The following MYO3B variants were observed in gnomAD, a reference collection of about 807,000 sequenced individuals.
The protein encoded by MYO3B is myosin-IIIb.
Under a neutral mutation model 174.6 loss-of-function variants are expected in MYO3B, and 156 were observed. The ratio of observed to expected loss-of-function variants is 0.89; its 90% CI spans 0.78 to 1.02. MYO3B has a LOEUF of 1.02. MYO3B is among the 50% of genes least tolerant of loss of function. MYO3B has a pLI of 0.00. For missense variants in MYO3B, 1,632 were observed against 1,639.4 expected, an observed-to-expected ratio of 1.00 and a Z score of 0.08; for synonymous variants, 563 against 569.1, an observed-to-expected ratio of 0.99 and a Z score of 0.15.
chr2:170,314,067 CT>C (rs1271033072), intron 7 of MYO3B, among the ~76,000 whole-genome samples: 1 of 152,196 alleles, frequency 6.6e-6, no homozygotes, highest in Non-Finnish European at 1.5e-5. Flanking sequence ...TACAGCCCCC[CT>C]GCCAATGCCA....
chr2:170,375,748 G>A (rs560908189), intron 9 of MYO3B, among the ~76,000 whole-genome samples: 1 of 127,514 alleles, frequency 7.8e-6, no homozygotes, highest in East Asian at 2.4e-4. Context: ...CACACACAGA[G>A]CACCCCATAT....
At chr2:170,351,626 C>T (rs78028566) in intron 8 of MYO3B, among the ~76,000 whole-genome samples, 47,261 of 151,626 alleles carry the variant, frequency 0.31, 8,149 homozygotes, top group East Asian at 0.53. Context: ...GGAGGGTGGG[C>T]AAAGGGGAAG....
intron 7 of MYO3B, among the ~76,000 whole-genome samples, chr2:170,286,629 A>G (rs2093558256): frequency 6.6e-6 from 1 of 152,122 alleles, no homozygotes; most frequent in Non-Finnish European, 1.5e-5. Flanking sequence ...CTGGAATTGC[A>G]TAGAGTAATT....
At chr2:170,635,267 G>GAA in intron 32 of MYO3B, among the ~76,000 whole-genome samples, 1 of 152,302 alleles carries the variant, frequency 6.6e-6, no homozygotes, top group East Asian at 1.9e-4. Context: ...ATACACCATG[G>GAA]AATACTATGC....
Position 170,479,920 on chromosome 2 carries a change from A to G in MYO3B, c.3014+13209A>G, listed in dbSNP as rs1050369532. 2.0e-5 allele frequency among the ~76,000 whole-genome samples: 3 copies of G among 148,536 alleles called. No homozygotes were observed. The Admixed American group carries it at 2.0e-4, about 10-fold the overall frequency. The stretch of plus-strand genomic sequence containing the variant: ...GTTTAACATATTTTATAGGTTTAAT[A>G]TGTGTGTATATATATTAAACCTATA... On this transcript the variant is annotated intron_variant, in intron 25 of 34. Coordinates refer to ENST00000408978, the MANE Select transcript of MYO3B (RefSeq NM_138995.5).
At chr2:170,190,935 C>T (rs2092533157) in intron 1 of MYO3B, among the ~76,000 whole-genome samples, 1 of 151,888 alleles carries the variant, frequency 6.6e-6, no homozygotes. Context: ...CCCATTGCTA[C>T]CACAGTTAGG....
At position 170,543,908 on chromosome 2, in the gene MYO3B, C is replaced by T; in HGVS notation, c.3653C>T (p.Thr1218Ile). The stretch of plus-strand genomic sequence containing the variant: ...TTTCTGAAGCACTCGGTTTCTGGGA[C>T]TGATTTGCTGTCTTCTCGGATATGC... ...GHANKHSVSG[T>I]DLLSSRICHP... Residue 1218 changes from threonine to isoleucine, a missense_variant, in exon 32 of 35, where the codon ACT becomes ATT. Thr to Ile is a moderately conservative substitution (Grantham distance 89). Coordinates refer to ENST00000408978, the MANE Select transcript of MYO3B (RefSeq NM_138995.5). The T allele has an allele frequency of 6.2e-7, 1 of 1,612,930 alleles. No homozygotes were observed. Among genetic ancestry groups the T allele is most frequent in the Non-Finnish European group, 8.5e-7 (1 of 1,179,150 alleles).
At chr2:170,340,626 T>C (rs2093971414) in intron 8 of MYO3B, 1 of 152,086 alleles carries the variant, frequency 6.6e-6, no homozygotes, top group Non-Finnish European at 1.5e-5. Flanking sequence ...TGATGGACAG[T>C]TGTATAGAAG....
At chr2:170,459,352 C>T (rs1684111377) in intron 23 of MYO3B, among the ~76,000 whole-genome samples, 1 of 152,142 alleles carries the variant, frequency 6.6e-6, no homozygotes, top group South Asian at 2.1e-4. Context: ...GGTTTACAAA[C>T]CTTGAGCTAG....
intron 30 of MYO3B, 43 bp downstream of exon 30, chr2:170,519,583 G>A: frequency 6.9e-7 from 1 of 1,439,930 alleles, no homozygotes; most frequent in Admixed American, 1.7e-5. Flanking sequence ...AAACTCAGGT[G>A]CTCCATTCTA....
intron 23 of MYO3B, among the ~76,000 whole-genome samples, chr2:170,453,492 A>G (rs1354802380): frequency 6.6e-6 from 1 of 151,498 alleles, no homozygotes; most frequent in Non-Finnish European, 1.5e-5. Context: ...CCAACTGACC[A>G]GAAACCTGGC....
At chr2:170,617,803 A>G (rs1217596510) in intron 32 of MYO3B, among the ~76,000 whole-genome samples, 1 of 152,194 alleles carries the variant, frequency 6.6e-6, no homozygotes, top group East Asian at 1.9e-4. Flanking sequence ...TAGTAATATG[A>G]CCTTTAGGAG....
chr2:170,551,511 C>G (rs1412263586), intron 32 of MYO3B, among the ~76,000 whole-genome samples: 1 of 120,142 alleles, frequency 8.3e-6, no homozygotes. Flanking sequence ...TATGTCATTG[C>G]CATAATGTTT....
intron 25 of MYO3B, among the ~76,000 whole-genome samples, chr2:170,467,875 T>C (rs1371252986): frequency 6.9e-6 from 1 of 145,148 alleles, no homozygotes; most frequent in African/African-American, 2.5e-5. Flanking sequence ...AAGAAGGAAA[T>C]GGCTTTTTTT....
intron 7 of MYO3B, among the ~76,000 whole-genome samples, chr2:170,274,162 ATGAG>A (rs2093445949): frequency 1.3e-5 from 2 of 151,006 alleles, no homozygotes; most frequent in South Asian, 4.2e-4. Context: ...GGGAGAGAGA[ATGAG>A]AGAGAGAGAG....
At chr2:170,288,490 A>G (rs901878370) in intron 7 of MYO3B, among the ~76,000 whole-genome samples, 3 of 151,964 alleles carry the variant, frequency 2.0e-5, no homozygotes, top group South Asian at 2.1e-4. Context: ...TGCAGCTATT[A>G]TAAATGGGAT....
At chr2:170,482,172 T>C (rs1685733941) in intron 25 of MYO3B, among the ~76,000 whole-genome samples, 1 of 151,892 alleles carries the variant, frequency 6.6e-6, no homozygotes, top group South Asian at 2.1e-4. Flanking sequence ...TTTTTTTTTT[T>C]TGAGACAGGG....
intron 6 of MYO3B, among the ~76,000 whole-genome samples, chr2:170,226,375 A>G (rs1424050215): frequency 6.6e-6 from 1 of 152,200 alleles, no homozygotes; most frequent in African/African-American, 2.4e-5. Flanking sequence ...AGGCTCAAAG[A>G]AACAGATTCC....
intron 25 of MYO3B, among the ~76,000 whole-genome samples, chr2:170,486,961 A>G (rs1471377239): frequency 1.3e-5 from 2 of 152,168 alleles, no homozygotes; most frequent in Admixed American, 1.3e-4. Flanking sequence ...CCCCTAAGTC[A>G]ATGGTTCTCA....
Sources: gnomAD v4.1 joint callset for allele counts (sites outside exome capture counted in the v4.1 genomes callset) on GRCh38, gnomAD v4.1.1 for gene constraint, MANE v1.5 for transcripts, NCBI Gene and HGNC (gene_info 2026-07-23, HGNC 2026-07-21) for gene names.